DENND5A: variants seen among roughly 807,000 people sequenced by gnomAD.
The protein encoded by DENND5A is DENN domain-containing protein 5A.
DENND5A carries 64 observed loss-of-function variants against 140.3 expected under a neutral mutation model. The ratio of observed to expected loss-of-function variants is 0.46; its 90% CI spans 0.37 to 0.56. The LOEUF is 0.56. Among genes scored for constraint, DENND5A ranks in the 20% least tolerant of loss-of-function variants. DENND5A has a pLI of 0.00. For missense variants in DENND5A, 1,292 were observed against 1,593.8 expected, an observed-to-expected ratio of 0.81 and a Z score of 3.22; for synonymous variants, 605 against 607.7, an observed-to-expected ratio of 1.00 and a Z score of 0.07.
chr11:9,257,534 T>C (rs1851998589), intron 1 of DENND5A, among the ~76,000 whole-genome samples: 1 of 143,450 alleles, frequency 7.0e-6, no homozygotes, highest in South Asian at 2.3e-4. Context: ...CAGGCTGGAG[T>C]GCACTGGCTC....
Position 9,265,126 on chromosome 11 carries a change from C to A in DENND5A, c.-57G>T. 1 of 1,071,348 alleles carries A rather than the reference C, an allele frequency of 9.3e-7. No individual in the cohort carries two copies. The highest frequency in any genetic ancestry group is 1.2e-6 in the Non-Finnish European group (1 of 866,224). The allele number at this position is 1,071,348 out of a possible 1,614,324, so 66.4% of individuals were successfully genotyped here. A position where few individuals can be genotyped will look rare whatever the true frequency, so the allele number is the denominator to read the frequency against. Reference sequence around the variant, plus strand: ...GGAGCGGCACCGAGCCCCCGCAACCCGGGCGCCCGCCCGTCCGCCCTCAGG... The same window carrying A: ...GGAGCGGCACCGAGCCCCCGCAACCAGGGCGCCCGCCCGTCCGCCCTCAGG... On this transcript the variant is annotated 5_prime_UTR_variant, in exon 1 of 23. Coordinates refer to ENST00000328194, the MANE Select transcript of DENND5A (RefSeq NM_015213.4). This position sits in a 1 kb window ranked among gnomAD's most constrained non-coding sequence, Gnocchi z 4.7.
At chr11:9,205,691 G>A (rs1849670758) in intron 3 of DENND5A, among the ~76,000 whole-genome samples, 1 of 152,140 alleles carries the variant, frequency 6.6e-6, no homozygotes. Context: ...CCAGGAATTT[G>A]AGAACAGCCT....
At position 9,230,322 on chromosome 11, in the gene DENND5A, T is replaced by A. The variant is rs570885001; in HGVS notation, c.110-22690A>T. Among the ~76,000 whole-genome samples, 7 of 126,624 alleles carry A rather than the reference T, an allele frequency of 5.5e-5. No homozygotes were observed. The South Asian group carries it at 1.6e-3, about 30-fold the overall frequency. The allele number at this position is 126,624 out of a possible 152,430, so 83.1% of individuals were successfully genotyped here. On this transcript the variant is annotated intron_variant, in intron 1 of 22. Transcript: ENST00000328194. Reference sequence around the variant, plus strand: ...GTGGTGCAAACAGAGCTCACTACAATCTCAACCTTCTGAGCTCAAGCGATC... The same window carrying A: ...GTGGTGCAAACAGAGCTCACTACAAACTCAACCTTCTGAGCTCAAGCGATC...
intron 15 of DENND5A, 71 bp from the exon 16 acceptor site, chr11:9,147,222 G>A (rs939960535): frequency 3.3e-6 from 5 of 1,533,930 alleles, no homozygotes; most frequent in Non-Finnish European, 9.0e-7. Context: ...TTTCAGTTCT[G>A]GAAGGAGACA....
At chr11:9,164,354 A>G (rs982465182) in intron 11 of DENND5A, among the ~76,000 whole-genome samples, 4 of 151,342 alleles carry the variant, frequency 2.6e-5, no homozygotes, top group African/African-American at 9.7e-5. Context: ...TGCCCTGCCA[A>G]TCTAGCTTTA....
At chr11:9,244,461 C>CTCCTGCCT (rs1851378762) in intron 1 of DENND5A, among the ~76,000 whole-genome samples, 1 of 152,120 alleles carries the variant, frequency 6.6e-6, no homozygotes, top group South Asian at 2.1e-4. Context: ...CCTCCGCCTC[C>CTCCTGCCT]CAGGTTCAAG....
Position 9,145,113 on chromosome 11 carries a change from A to G in DENND5A, c.3004T>C (p.Cys1002Arg), listed in dbSNP as rs1847383778. ...GTAGTAAGCTTCCCCAAGTTCTGGCACTATTAGAGAATAGAGAAGATGAGG... is the reference window on the plus strand; with the variant it reads ...GTAGTAAGCTTCCCCAAGTTCTGGCGCTATTAGAGAATAGAGAAGATGAGG... ...PRNVLEMTFE[C>R]QNLGKLTTVQ... is the part of the protein sequence containing the mutation. The change falls in exon 18 of 23, where the codon TGC (cysteine) becomes CGC (arginine). Residue 1002 changes from cysteine (C) to arginine (R), a missense_variant and splice_region_variant. Coordinates refer to ENST00000328194, the MANE Select transcript of DENND5A (RefSeq NM_015213.4). 1.2e-6 allele frequency: 2 copies of G among 1,603,028 alleles called. No homozygotes were observed. Among genetic ancestry groups the G allele is most frequent in the African/African-American group, 1.3e-5 (1 of 74,676 alleles).
chr11:9,243,105 C>CAA (rs71453907), intron 1 of DENND5A, among the ~76,000 whole-genome samples: 3 of 112,800 alleles, frequency 2.7e-5, no homozygotes, highest in Non-Finnish European at 5.1e-5. Context: ...AAAAAAAAAA[C>CAA]AAAAAAAAAA....
chr11:9,174,961 AT>A (rs1421816618), intron 8 of DENND5A, among the ~76,000 whole-genome samples: 1 of 150,002 alleles, frequency 6.7e-6, no homozygotes, highest in Non-Finnish European at 1.5e-5. Flanking sequence ...CAGAAAAAAA[AT>A]AAATAAATAA....
intron 1 of DENND5A, among the ~76,000 whole-genome samples, chr11:9,220,563 A>AATC (rs1383246034): frequency 6.6e-6 from 1 of 151,454 alleles, no homozygotes; most frequent in Non-Finnish European, 1.5e-5. Flanking sequence ...TAATAATAAT[A>AATC]ATAATAATAA....
intron 5 of DENND5A, among the ~76,000 whole-genome samples, chr11:9,183,915 G>A (rs1043292466): frequency 5.9e-5 from 9 of 152,012 alleles, no homozygotes; most frequent in African/African-American, 1.5e-4. Flanking sequence ...GCCGGGCGCC[G>A]TGGCTCACCC....
At chr11:9,146,767 C>A in intron 16 of DENND5A, 1 of 342,016 alleles carries the variant, frequency 2.9e-6, no homozygotes, top group Admixed American at 4.5e-5. Context: ...TCAGCTTAGG[C>A]TCCCAGAGCA....
intron 12 of DENND5A, among the ~76,000 whole-genome samples, chr11:9,156,870 TGGAAGGAAGGAAGGAAGGAAGGAA>T (rs3074636): frequency 2.8e-5 from 4 of 142,542 alleles, no homozygotes; most frequent in African/African-American, 1.1e-4. Flanking sequence ...GAAGGATGGA[TGGAAGGAAGGAAGGAAGGAAGGAA>T]GGAAGGAAGG....
intron 13 of DENND5A, 91 bp downstream of exon 13, chr11:9,152,267 G>A (rs1331135461): frequency 1.7e-5 from 16 of 967,546 alleles, no homozygotes; most frequent in Non-Finnish European, 1.5e-5. Flanking sequence ...AAGCTTCTTC[G>A]ACCTGGAATA....
chr11:9,252,782 T>C (rs942600666), intron 1 of DENND5A, among the ~76,000 whole-genome samples: 1 of 152,054 alleles, frequency 6.6e-6, no homozygotes, highest in Non-Finnish European at 1.5e-5. Flanking sequence ...GGTTCCTTCA[T>C]GTGTACCCAG....
intron 8 of DENND5A, among the ~76,000 whole-genome samples, chr11:9,173,129 A>T (rs567215494): frequency 1.3e-5 from 2 of 152,018 alleles, no homozygotes; most frequent in African/African-American, 4.8e-5. Flanking sequence ...CCTGGCCTGG[A>T]GCAACATCTT....
At chr11:9,233,893 A>AAACATTTCT (rs1850881957) in intron 1 of DENND5A, among the ~76,000 whole-genome samples, 1 of 152,148 alleles carries the variant, frequency 6.6e-6, no homozygotes, top group African/African-American at 2.4e-5. Flanking sequence ...GTAAACTAAT[A>AAACATTTCT]TAGGCTGGGT....
Position 9,203,810 on chromosome 11 carries a change from C to A in DENND5A, c.799G>T (p.Gly267Trp). 1.2e-6 allele frequency: 2 copies of A among 1,614,100 alleles called. No individual in the cohort carries two copies. Residue 267 changes from glycine to tryptophan, a missense_variant, in exon 4 of 23, where the codon GGG (glycine) becomes TGG (tryptophan). By Grantham distance (184) the Gly-to-Trp change is radical. Around this residue, in one of 4 missense-constraint regions of DENND5A, gnomAD observed 566 missense variants for 650.4 expected, o/e 0.87. Transcript: ENST00000328194. ...CTTGGTCTCTGGCAGATTATTGGCCCATAGACCCCAGAAAACTTCAAGGAC... is the reference window on the plus strand; with the variant it reads ...CTTGGTCTCTGGCAGATTATTGGCCAATAGACCCCAGAAAACTTCAAGGAC... ...GRSLKFSGVY[G>W]PIICQRPSTN... is the part of the protein sequence containing the mutation.
intron 1 of DENND5A, among the ~76,000 whole-genome samples, chr11:9,244,702 G>T (rs1316622569): frequency 3.3e-5 from 5 of 151,884 alleles, no homozygotes; most frequent in Admixed American, 3.3e-4. Context: ...TGGAGATAAG[G>T]TCTGGCTCTG....
Sources: gnomAD v4.1 joint callset for allele counts (sites outside exome capture counted in the v4.1 genomes callset) on GRCh38, gnomAD v4.1.1 for gene constraint, gnomAD v4.1.1 regional missense constraint, Gnocchi (gnomAD v3.1) non-coding constraint, MANE v1.5 for transcripts, NCBI Gene and HGNC (gene_info 2026-07-23, HGNC 2026-07-21) for gene names.